The following PLSCR4 variants were observed in gnomAD, a reference collection of about 807,000 sequenced individuals.
PLSCR4 encodes the protein phospholipid scramblase 4.
Under a neutral mutation model 36.3 loss-of-function variants are expected in PLSCR4, and 25 were observed. That is an observed-to-expected ratio of 0.69 (90% confidence interval 0.50 to 0.96). PLSCR4 has a LOEUF of 0.96. PLSCR4 is among the 40% of genes least tolerant of loss of function. The pLI is 0.00. For missense variants in PLSCR4, 408 were observed against 414.7 expected (o/e 0.98, Z 0.14); for synonymous variants, 122 against 132.9 (o/e 0.92, Z 0.56).
intron 1 of PLSCR4, among the ~76,000 whole-genome samples, chr3:146,224,032 T>A (rs1327268460): frequency 6.6e-6 from 1 of 151,288 alleles, no homozygotes; most frequent in Admixed American, 6.6e-5. Flanking sequence ...TAAAAGGAGT[T>A]CAAGGGGTTA....
At chr3:146,225,918 T>G (rs1288343167) in intron 1 of PLSCR4, among the ~76,000 whole-genome samples, 2 of 152,116 alleles carry the variant, frequency 1.3e-5, no homozygotes, top group African/African-American at 4.8e-5. Context: ...GCCGCCGAAG[T>G]GGGAGCCCAG....
rs60242461 is a variant in PLSCR4 at position 146,213,334 on chromosome 3, C to CTTTTTTTTT, written c.119-6582_119-6574dup. ...TTCATGCAGCATTTAGTAAAATTTC[C>CTTTTTTTTT]TTTTTTTTTTTTTTTTGTGATGTAG... is the stretch of plus-strand genomic sequence containing the variant. On this transcript the variant is annotated intron_variant, in intron 3 of 8. Transcript: ENST00000354952. Among the ~76,000 whole-genome samples, 162 of 125,494 alleles carry CTTTTTTTTT rather than the reference C, an allele frequency of 1.3e-3. 2 individuals carry two copies. The highest frequency in any genetic ancestry group is 1.9e-3 in the East Asian group (8 of 4,182). 82.3% of individuals were successfully genotyped at this position (125,494 alleles called of 152,430 possible). A position where few individuals can be genotyped will look rare whatever the true frequency, so the allele number is the denominator to read the frequency against.
intron 6 of PLSCR4, among the ~76,000 whole-genome samples, chr3:146,198,595 TG>T (rs1490272527): frequency 6.6e-6 from 1 of 151,908 alleles, no homozygotes; most frequent in Non-Finnish European, 1.5e-5. Flanking sequence ...TTTGTAGAGA[TG>T]GGGTTTTACC....
At chr3:146,248,340 A>C (rs1218145088) in intron 1 of PLSCR4, among the ~76,000 whole-genome samples, 1 of 152,212 alleles carries the variant, frequency 6.6e-6, no homozygotes, top group East Asian at 1.9e-4. Flanking sequence ...TTCCTTATAC[A>C]CACGCATACA....
At chr3:146,224,552 G>A (rs982740019) in intron 1 of PLSCR4, among the ~76,000 whole-genome samples, 33 of 151,978 alleles carry the variant, frequency 2.2e-4, no homozygotes, top group African/African-American at 7.0e-4. Context: ...GCTGGCTCAG[G>A]AGTGAAGCTG....
intron 1 of PLSCR4, among the ~76,000 whole-genome samples, chr3:146,239,348 A>G (rs929605909): frequency 6.6e-6 from 1 of 152,182 alleles, no homozygotes; most frequent in Non-Finnish European, 1.5e-5. Flanking sequence ...TACTGCAATC[A>G]AAACAGTATG....
intron 1 of PLSCR4, among the ~76,000 whole-genome samples, chr3:146,222,947 T>G (rs1286338006): frequency 6.6e-6 from 1 of 151,976 alleles, no homozygotes; most frequent in East Asian, 1.9e-4. Context: ...GAGTCGCTGA[T>G]GGACTAAGGT....
chr3:146,221,005 G>T (rs2035114322), intron 2 of PLSCR4, 80 bp from the exon 3 acceptor site: 1 of 763,962 alleles, frequency 1.3e-6, no homozygotes, highest in South Asian at 2.0e-5. Context: ...CCTTTCTTAT[G>T]GGAATGCATC....
intron 1 of PLSCR4, among the ~76,000 whole-genome samples, chr3:146,236,989 A>G (rs2035945601): frequency 6.6e-6 from 1 of 152,192 alleles, no homozygotes; most frequent in Admixed American, 6.5e-5. Flanking sequence ...CCTTAAATGT[A>G]AATGGATTAA....
intron 1 of PLSCR4, among the ~76,000 whole-genome samples, chr3:146,240,132 C>A (rs2036090619): frequency 6.6e-6 from 1 of 152,126 alleles, no homozygotes; most frequent in South Asian, 2.1e-4. Flanking sequence ...TATTTTCAAA[C>A]CATTTATCTG....
At chr3:146,234,713 CA>C (rs2035846169) in intron 1 of PLSCR4, among the ~76,000 whole-genome samples, 1 of 152,098 alleles carries the variant, frequency 6.6e-6, no homozygotes, top group Admixed American at 6.6e-5. Context: ...GGAGAAGATG[CA>C]GCTTGGGATT....
chr3:146,193,157 C>CA lies in PLSCR4; in HGVS notation c.*1253dup. 6.6e-6 allele frequency: 1 copy of CA among 152,052 alleles called. No individual in the cohort carries two copies. Among genetic ancestry groups the CA allele is most frequent in the Non-Finnish European group, 1.5e-5 (1 of 67,954 alleles). The allele number at this position is 152,052 out of a possible 1,614,324, so 9.4% of individuals were successfully genotyped here. On this transcript the variant is annotated 3_prime_UTR_variant, in exon 9 of 9. Coordinates refer to ENST00000354952, the MANE Select transcript of PLSCR4 (RefSeq NM_020353.3). ...ACACTATGCTTTTAATTAGTTAACACAAAAATGTGTAATTGATAATTTATT... is the reference window on the plus strand; with the variant it reads ...ACACTATGCTTTTAATTAGTTAACACAAAAAATGTGTAATTGATAATTTATT...
intron 4 of PLSCR4, among the ~76,000 whole-genome samples, chr3:146,206,208 A>C (rs2034318866): frequency 6.6e-6 from 1 of 152,128 alleles, no homozygotes; most frequent in African/African-American, 2.4e-5. Flanking sequence ...GTTTACTTCT[A>C]AGCAAATAAC....
intron 1 of PLSCR4, among the ~76,000 whole-genome samples, chr3:146,238,205 A>C (rs2035996755): frequency 7.9e-6 from 1 of 125,898 alleles, no homozygotes; most frequent in Non-Finnish European, 1.6e-5. Context: ...AACTTCCCAC[A>C]AAAAAAAAAA....
chr3:146,201,242 C>T (rs545383868), intron 4 of PLSCR4, among the ~76,000 whole-genome samples, 165 bp from the exon 5 acceptor site: 1 of 152,212 alleles, frequency 6.6e-6, no homozygotes, highest in Admixed American at 6.6e-5. Flanking sequence ...ATTAGCTTAT[C>T]TGCATCTGAT....
At chr3:146,210,984 T>A (rs941366290) in intron 3 of PLSCR4, among the ~76,000 whole-genome samples, 1 of 152,086 alleles carries the variant, frequency 6.6e-6, no homozygotes, top group African/African-American at 2.4e-5. Flanking sequence ...AATCAGTCAA[T>A]GGACATTTAG....
chr3:146,229,107 A>G (rs2035589772), intron 1 of PLSCR4, among the ~76,000 whole-genome samples: 1 of 152,222 alleles, frequency 6.6e-6, no homozygotes, highest in Non-Finnish European at 1.5e-5. Flanking sequence ...TTAGTATTGC[A>G]TAATAGAGAA....
chr3:146,234,846 A>T (rs1344367702), intron 1 of PLSCR4, among the ~76,000 whole-genome samples: 1 of 152,190 alleles, frequency 6.6e-6, no homozygotes, highest in Non-Finnish European at 1.5e-5. Context: ...ATGACTGCTC[A>T]GGTCTCAGAC....
intron 3 of PLSCR4, among the ~76,000 whole-genome samples, chr3:146,211,448 A>G (rs1052079260): frequency 1.3e-5 from 2 of 152,126 alleles, no homozygotes; most frequent in East Asian, 1.9e-4. Context: ...TATTCAAGAT[A>G]AAAGTCTCTT....
Sources: allele counts gnomAD v4.1 joint callset (sites outside exome capture counted in the v4.1 genomes callset), GRCh38; gene constraint gnomAD v4.1.1; transcripts MANE v1.5; gene names NCBI Gene and HGNC (gene_info 2026-07-23, HGNC 2026-07-21).